The following RRM2 variants were observed in gnomAD, a reference collection of about 807,000 sequenced individuals.
RRM2 encodes the protein ribonucleotide reductase regulatory subunit M2, also known as ribonucleoside-diphosphate reductase subunit M2.
RRM2 carries 6 observed loss-of-function variants against 45.9 expected under a neutral mutation model. That is an observed-to-expected ratio of 0.13 (90% CI 0.07 to 0.26). The LOEUF is 0.26. Ranked by LOEUF, RRM2 falls within the 10% of genes least tolerant of loss-of-function variation. RRM2 has a pLI of 1.00. For synonymous variants in RRM2, 177 were observed against 173.0 expected, an observed-to-expected ratio of 1.02 and a Z score of -0.18; for missense variants, 343 against 489.5, an observed-to-expected ratio of 0.70 and a Z score of 2.82.
intron 3 of RRM2, among the ~76,000 whole-genome samples, chr2:10,157,549 C>T (rs930156052): frequency 7.9e-5 from 12 of 152,148 alleles, no homozygotes; most frequent in South Asian, 2.1e-4. Flanking sequence ...CAGAGATGGC[C>T]GCTGCTCGGT....
chr2:10,169,310 C>T lies in RRM2; in HGVS notation n.482+26935C>T, dbSNP rs940073775. Among the ~76,000 whole-genome samples, 2 of 151,990 alleles carry T rather than the reference C, an allele frequency of 1.3e-5. No homozygotes were observed. Among genetic ancestry groups the T allele is most frequent in the African/African-American group, 4.8e-5 (2 of 41,364 alleles). ...TTTGTAAGTTCCCAAGTTGAAGCAC[C>T]CCCTTCAGGTGTAGTTTTAGACGTG... On this transcript the variant is annotated intron_variant and non_coding_transcript_variant, in intron 3 of 3. Coordinates refer to the RRM2 transcript ENST00000381786. The surrounding 1 kb of genome is among the most constrained non-coding windows in gnomAD (Gnocchi z 5.1).
At chr2:10,154,499 CA>C (rs547349749) in intron 3 of RRM2, among the ~76,000 whole-genome samples, 5,272 of 94,482 alleles carry the variant, frequency 0.056, 351 homozygotes, top group African/African-American at 0.19. Flanking sequence ...GACTCCATCT[CA>C]AAAAAAAAAA....
At chr2:10,199,797 A>AG (rs1455647294) in intron 3 of RRM2, among the ~76,000 whole-genome samples, 1 of 149,288 alleles carries the variant, frequency 6.7e-6, no homozygotes, top group East Asian at 2.0e-4. Flanking sequence ...AAAAAAAAAA[A>AG]AAAAAAAAAA....
intron 5 of RRM2, 124 bp downstream of exon 5, chr2:10,124,974 A>T: frequency 1.2e-6 from 1 of 864,704 alleles, no homozygotes; most frequent in Non-Finnish European, 1.8e-6. Context: ...AGGCATTCCC[A>T]GCACCCGTGG....
rs1664393704 is a variant in RRM2, at chr2:10,195,411, C to T, written n.483-14900C>T. On this transcript the variant is annotated intron_variant and non_coding_transcript_variant, in intron 3 of 3. Transcript: ENST00000381786. The surrounding 1 kb of genome is among the most constrained non-coding windows in gnomAD (Gnocchi z 4.9). ...ACAGTGCTGGCGGAGCCCTGGGGAGCACCGAGTCCCCGCCGTGATGGGTCC... is the reference window on the plus strand; with the variant it reads ...ACAGTGCTGGCGGAGCCCTGGGGAGTACCGAGTCCCCGCCGTGATGGGTCC... Among the ~76,000 whole-genome samples, 1 of 152,082 alleles carries T rather than the reference C, an allele frequency of 6.6e-6. No homozygotes were observed. The highest frequency in any genetic ancestry group is 6.6e-5 in the Admixed American group (1 of 15,250).
intron 3 of RRM2, among the ~76,000 whole-genome samples, chr2:10,157,144 T>C (rs1311335120): frequency 6.7e-6 from 1 of 149,224 alleles, no homozygotes; most frequent in Non-Finnish European, 1.5e-5. Context: ...TTCTCCTGCC[T>C]CGGCCTCCCG....
Position 10,129,535 on chromosome 2 carries a change from A to G in RRM2, c.*149A>G. On this transcript the variant is annotated 3_prime_UTR_variant, in exon 10 of 10. Coordinates refer to ENST00000304567, the MANE Select transcript of RRM2 (RefSeq NM_001034.4). The surrounding 1 kb of genome is among the most constrained non-coding windows in gnomAD (Gnocchi z 4.8). ...AAAACTGTGTAGCTACCTCACAACC[A>G]GTCCTGTCTGTTTATAGTGCTGGTA... 3.6e-6 allele frequency: 3 copies of G among 824,542 alleles called. No individual in the cohort carries two copies. Among genetic ancestry groups the G allele is most frequent in the South Asian group, 1.8e-5 (1 of 56,832 alleles). 51.1% of individuals were successfully genotyped at this position (824,542 alleles called of 1,614,324 possible).
At chr2:10,152,544 G>A (rs924763166) in intron 3 of RRM2, among the ~76,000 whole-genome samples, 2 of 149,758 alleles carry the variant, frequency 1.3e-5, no homozygotes, top group African/African-American at 4.9e-5. Flanking sequence ...GTGCAGTGGT[G>A]TGATCTTGGC....
intron 3 of RRM2, among the ~76,000 whole-genome samples, chr2:10,203,792 G>A (rs767486211): frequency 1.4e-4 from 19 of 133,302 alleles, no homozygotes; most frequent in Non-Finnish European, 2.2e-4. Flanking sequence ...TACATGTGAC[G>A]GTCTCCCAGA....
At position 10,171,787 on chromosome 2, in the gene RRM2, A is replaced by G. The variant is rs998442655; in HGVS notation, n.482+29412A>G. Among the ~76,000 whole-genome samples, 4 of 152,198 alleles carry G rather than the reference A, an allele frequency of 2.6e-5. No individual in the cohort carries two copies. Among genetic ancestry groups the G allele is most frequent in the Non-Finnish European group, 4.4e-5 (3 of 68,036 alleles). On this transcript the variant is annotated intron_variant and non_coding_transcript_variant, in intron 3 of 3. Transcript: ENST00000381786. The surrounding 1 kb of genome is among the most constrained non-coding windows in gnomAD (Gnocchi z 4.1). ...TCTCCACCAGCAACGTCCCTGAAAC[A>G]GTCTTTCTTATTAAAAAATATTGAG...
chr2:10,136,882 G>C (rs1205760612), upstream of RRM2, among the ~76,000 whole-genome samples: 3 of 152,156 alleles, frequency 2.0e-5, no homozygotes, highest in Non-Finnish European at 4.4e-5. Flanking sequence ...TGGGTAGAAG[G>C]GAGGCCAAAG....
At chr2:10,203,570 G>A (rs1664609292) in intron 3 of RRM2, among the ~76,000 whole-genome samples, 1 of 152,124 alleles carries the variant, frequency 6.6e-6, no homozygotes, top group South Asian at 2.1e-4. Context: ...CCAATAAGGT[G>A]AAACCCCATC....
rs1261237225 is a variant in RRM2 at position 10,123,115 on chromosome 2, A to T, written c.174+58A>T. 2.7e-6 allele frequency: 4 copies of T among 1,501,030 alleles called. No homozygotes were observed. The East Asian group carries it at 7.4e-5, about 28-fold the overall frequency. The allele number at this position is 1,501,030 out of a possible 1,614,324, so 93.0% of individuals were successfully genotyped here. A position where few individuals can be genotyped will look rare whatever the true frequency, so the allele number is the denominator to read the frequency against. On this transcript the variant is annotated intron_variant, in intron 2 of 9. Transcript: ENST00000304567. ...GACGGCCTTGGGCGTCTTGGCGCCA[A>T]AGCCGCATTGTTTCCTCAGCTGTTC... is the stretch of plus-strand genomic sequence containing the variant.
intron 3 of RRM2, among the ~76,000 whole-genome samples, chr2:10,168,816 A>C (rs1663732765): frequency 6.7e-6 from 1 of 148,928 alleles, no homozygotes; most frequent in Admixed American, 6.6e-5. Flanking sequence ...CCTTCAATCC[A>C]ACCTTTCCTC....
chr2:10,186,353 C>T (rs1385253035), intron 3 of RRM2, among the ~76,000 whole-genome samples: 1 of 148,722 alleles, frequency 6.7e-6, no homozygotes, highest in Non-Finnish European at 1.5e-5. Flanking sequence ...GACGGAGTTT[C>T]ACCGTGTTGG....
At chr2:10,196,072 C>G (rs1038037896) in intron 3 of RRM2, among the ~76,000 whole-genome samples, 12 of 152,148 alleles carry the variant, frequency 7.9e-5, no homozygotes, top group Admixed American at 4.6e-4. Flanking sequence ...CTGTTATATG[C>G]TGTGGTCAGA....
chr2:10,157,618 T>C (rs1192000493), intron 3 of RRM2, among the ~76,000 whole-genome samples: 2 of 152,230 alleles, frequency 1.3e-5, no homozygotes, highest in African/African-American at 4.8e-5. Context: ...CTTTTTTGGC[T>C]TGACTCAACA....
intron 3 of RRM2, among the ~76,000 whole-genome samples, chr2:10,177,614 C>T (rs1036226785): frequency 6.6e-6 from 1 of 152,120 alleles, no homozygotes; most frequent in African/African-American, 2.4e-5. Flanking sequence ...TGTGGGTCCA[C>T]CACCACAGTT....
In RRM2 at chr2:10,123,063, T is replaced by C. The variant is rs1427647106; in HGVS notation, c.174+6T>C. ...TCCAGGAGCCCACGGAGCCGGTGAG[T>C]GGCGGGCGTGGGGCAGAGGGGCCAG... On this transcript the variant is annotated splice_donor_region_variant and intron_variant, in intron 2 of 9. Coordinates refer to ENST00000304567, the MANE Select transcript of RRM2 (RefSeq NM_001034.4). 1.3e-6 allele frequency: 2 copies of C among 1,549,266 alleles called. No individual in the cohort carries two copies. Among genetic ancestry groups the C allele is most frequent in the Non-Finnish European group, 8.7e-7 (1 of 1,154,366 alleles).
Sources: gnomAD v4.1 joint callset for allele counts (sites outside exome capture counted in the v4.1 genomes callset) on GRCh38, gnomAD v4.1.1 for gene constraint, Gnocchi (gnomAD v3.1) non-coding constraint, MANE v1.5 for transcripts, NCBI Gene and HGNC (gene_info 2026-07-23, HGNC 2026-07-21) for gene names.